The following BFSP1 variants were observed in gnomAD, a reference collection of about 807,000 sequenced individuals.
BFSP1 encodes beaded filament structural protein 1.
A neutral mutation model predicts 43.9 loss-of-function variants in BFSP1; 38 were observed. That is an observed-to-expected ratio of 0.87 (90% CI 0.67 to 1.14). The LOEUF (loss-of-function observed/expected upper bound fraction) is 1.14, where lower values mean the gene tolerates loss of function less well. Among genes scored for constraint, BFSP1 ranks in the 50% most tolerant of loss-of-function variants. The pLI, the probability that BFSP1 is intolerant of heterozygous loss-of-function variation, is 0.00. For missense variants in BFSP1, 850 were observed against 875.1 expected, an observed-to-expected ratio of 0.97 and a Z score of 0.36; for synonymous variants, 352 against 354.8, an observed-to-expected ratio of 0.99 and a Z score of 0.09.
chr20:17,557,874 G>T (rs567994093), intron 1 of BFSP1, among the ~76,000 whole-genome samples: 1 of 152,202 alleles, frequency 6.6e-6, no homozygotes, highest in African/African-American at 2.4e-5. Context: ...CCAGCTGTTA[G>T]TAAGTGGATA....
At chr20:17,556,235 G>A (rs1187541642) in intron 1 of BFSP1, among the ~76,000 whole-genome samples, 2 of 152,142 alleles carry the variant, frequency 1.3e-5, no homozygotes, top group East Asian at 3.9e-4. Context: ...GGGTGCAGTG[G>A]CTCGTGCCTG....
rs1337991364 is a variant in BFSP1, at chr20:17,497,027, G to T, written c.957-4C>A. On this transcript the variant is annotated splice_region_variant and splice_polypyrimidine_tract_variant and intron_variant, in intron 6 of 7. Transcript: ENST00000377873. ...TTCAATGAAGGCAGAGGTCAGCCTG[G>T]CAGAAAGAACCAGAAAGAACAAGCC... 2 of 1,531,196 alleles carry T rather than the reference G, an allele frequency of 1.3e-6. No homozygotes were observed. The highest frequency in any genetic ancestry group is 1.7e-4 in the Middle Eastern group (1 of 5,968). The allele number at this position is 1,531,196 out of a possible 1,614,324, so 94.9% of individuals were successfully genotyped here.
chr20:17,522,145 T>C (rs1206548127), intron 2 of BFSP1, among the ~76,000 whole-genome samples: 1 of 152,176 alleles, frequency 6.6e-6, no homozygotes, highest in Non-Finnish European at 1.5e-5. Context: ...TCTGGCTTCG[T>C]GTCTGGCCTC....
At chr20:17,548,659 G>A (rs999235211) in intron 1 of BFSP1, among the ~76,000 whole-genome samples, 2 of 152,192 alleles carry the variant, frequency 1.3e-5, no homozygotes, top group African/African-American at 4.8e-5. Context: ...AGTTCTTGGA[G>A]TCAACCTCAA....
At position 17,494,781 on chromosome 20, in the gene BFSP1, C is replaced by T; in HGVS notation, c.1291G>A (p.Val431Met). The change falls in exon 8 of 8, where the codon GTG (valine) becomes ATG (methionine). Residue 431 changes from valine to methionine, a missense_variant. Coordinates refer to ENST00000377873, the MANE Select transcript of BFSP1 (RefSeq NM_001195.5). ...PLTQEGAPED[V>M]PDGGQISKGF... ...TTGCTTATCTGCCCTCCATCTGGCA[C>T]ATCCTCTGGAGCCCCTTCTTGTGTC... 1.2e-6 allele frequency: 2 copies of T among 1,614,212 alleles called. No individual in the cohort carries two copies. Among genetic ancestry groups the T allele is most frequent in the African/African-American group, 1.3e-5 (1 of 75,056 alleles).
At chr20:17,496,804 G>T in intron 7 of BFSP1, 134 bp downstream of exon 7, 1 of 809,042 alleles carries the variant, frequency 1.2e-6, no homozygotes, top group Non-Finnish European at 1.9e-6. Flanking sequence ...GGGTGGGAAG[G>T]AGTCCTCCTT....
chr20:17,536,265 T>C (rs2034627265), upstream of BFSP1, among the ~76,000 whole-genome samples: 2 of 152,218 alleles, frequency 1.3e-5, no homozygotes, highest in Non-Finnish European at 2.9e-5. Context: ...TTAAAGTTGT[T>C]TAAGGCTGGG....
Position 17,525,754 on chromosome 20 carries a change from T to TA in BFSP1, c.378-847dup, listed in dbSNP as rs1450409754. 6.6e-6 allele frequency among the ~76,000 whole-genome samples: 1 copy of TA among 152,124 alleles called. No homozygotes were observed. Among genetic ancestry groups the TA allele is most frequent in the Non-Finnish European group, 1.5e-5 (1 of 68,012 alleles). On this transcript the variant is annotated intron_variant, in intron 1 of 7. Transcript: ENST00000377873. This position sits in a 1 kb window ranked among gnomAD's most constrained non-coding sequence, Gnocchi z 4.2. ...GCCCATTCTTGCTGTCTTCAGGAGT[T>TA]AGAGCCCTTGATGCTTGGCAAGCAC...
At chr20:17,512,843 C>T (rs1020797427) in intron 3 of BFSP1, among the ~76,000 whole-genome samples, 2 of 152,288 alleles carry the variant, frequency 1.3e-5, no homozygotes, top group Admixed American at 6.5e-5. Context: ...TATGTGTGAC[C>T]TCAGGCAAGC....
chr20:17,501,863 A>G (rs1423015849), intron 5 of BFSP1, among the ~76,000 whole-genome samples: 1 of 152,236 alleles, frequency 6.6e-6, no homozygotes, highest in African/African-American at 2.4e-5. Flanking sequence ...GAATCTGGAA[A>G]GGGGTCTCAG....
intron 1 of BFSP1, among the ~76,000 whole-genome samples, chr20:17,537,615 G>C (rs73898308): frequency 2.7e-5 from 4 of 150,280 alleles, no homozygotes; most frequent in African/African-American, 9.8e-5. Flanking sequence ...GCAAGTGTGT[G>C]CCTGGTGCTT....
intron 7 of BFSP1, among the ~76,000 whole-genome samples, chr20:17,496,009 G>A (rs1042771120): frequency 1.3e-5 from 2 of 152,334 alleles, no homozygotes; most frequent in East Asian, 1.9e-4. Flanking sequence ...ACTGGTATGC[G>A]AGGAGGAGGT....
chr20:17,564,692 G>A (rs764905643), intron 1 of BFSP1, among the ~76,000 whole-genome samples: 9 of 151,936 alleles, frequency 5.9e-5, no homozygotes, highest in Non-Finnish European at 1.2e-4. Flanking sequence ...GGGTTCAAGC[G>A]ATTCTCCTGA....
intron 5 of BFSP1, among the ~76,000 whole-genome samples, chr20:17,500,723 C>T (rs1465834069): frequency 2.6e-5 from 4 of 152,126 alleles, no homozygotes; most frequent in Non-Finnish European, 5.9e-5. Flanking sequence ...GCTCACGTTT[C>T]CCACAGCTCT....
chr20:17,569,067 C>G (rs1169345816), intron 1 of BFSP1: 2 of 152,180 alleles, frequency 1.3e-5, no homozygotes, highest in African/African-American at 4.8e-5. Context: ...CTGGCGCCAC[C>G]GTCCCGGGAC....
intron 5 of BFSP1, among the ~76,000 whole-genome samples, chr20:17,505,931 T>C (rs6034837): frequency 0.47 from 72,043 of 152,142 alleles, 18,048 homozygotes; most frequent in African/African-American, 0.61. Context: ...GCTACACCCT[T>C]GAATATGTTA....
At chr20:17,532,703 G>A (rs1370304724), upstream of BFSP1, among the ~76,000 whole-genome samples, 1 of 151,716 alleles carries the variant, frequency 6.6e-6, no homozygotes, top group Non-Finnish European at 1.5e-5. Context: ...GCTAGACTTT[G>A]ACAAATTTAA....
At chr20:17,524,987 TCAAC>T in intron 1 of BFSP1, 79 bp from the exon 2 acceptor site, 1 of 1,268,112 alleles carries the variant, frequency 7.9e-7, no homozygotes, top group Non-Finnish European at 1.2e-6. Flanking sequence ...AGCATTAAAT[TCAAC>T]CTGGGTACGA....
At chr20:17,551,829 A>G (rs757098689) in intron 1 of BFSP1, among the ~76,000 whole-genome samples, 1 of 152,084 alleles carries the variant, frequency 6.6e-6, no homozygotes, top group Non-Finnish European at 1.5e-5. Flanking sequence ...CTAAAAATAC[A>G]AAAACATTAG....
Sources: allele counts gnomAD v4.1 joint callset (sites outside exome capture counted in the v4.1 genomes callset), GRCh38; gene constraint gnomAD v4.1.1; non-coding constraint Gnocchi (gnomAD v3.1); transcripts MANE v1.5; gene names NCBI Gene and HGNC (gene_info 2026-07-23, HGNC 2026-07-21).